Variants in SEMA6C observed in about 807,000 individuals in gnomAD.
SEMA6C encodes the protein semaphorin 6C, also known as semaphorin-6C.
SEMA6C carries 37 observed loss-of-function variants against 72.9 expected under a neutral mutation model. That is an observed-to-expected ratio of 0.51 (90% CI 0.39 to 0.67). SEMA6C has a LOEUF of 0.67. Ranked by LOEUF, SEMA6C falls within the 30% of genes least tolerant of loss-of-function variation. The probability of loss-of-function intolerance (pLI) is 0.00; values close to 1 mark genes in which losing one functional copy is unlikely to be tolerated. For missense variants in SEMA6C, 1,189 were observed against 1,263.6 expected, an observed-to-expected ratio of 0.94 and a Z score of 0.89; for synonymous variants, 578 against 554.1, an observed-to-expected ratio of 1.04 and a Z score of -0.61.
In SEMA6C at chr1:151,135,314, G is replaced by T. The variant is rs1168007040; in HGVS notation, c.1434-5C>A. ...GCTGTCCGCTTCCCACTGCACCTAGGGTGAGGCCAGAAGGAACCAGAGATG... is the reference window on the plus strand; with the variant it reads ...GCTGTCCGCTTCCCACTGCACCTAGTGTGAGGCCAGAAGGAACCAGAGATG... On this transcript the variant is annotated splice_region_variant and splice_polypyrimidine_tract_variant and intron_variant, in intron 14 of 18. Coordinates refer to ENST00000368914, the MANE Select transcript of SEMA6C (RefSeq NM_030913.6). 1 of 1,612,174 alleles carries T rather than the reference G, an allele frequency of 6.2e-7. No homozygotes were observed. The highest frequency in any genetic ancestry group is 8.5e-7 in the Non-Finnish European group (1 of 1,179,182).
At chr1:151,137,533 G>C (rs1682146464) in intron 10 of SEMA6C, among the ~76,000 whole-genome samples, 178 bp downstream of exon 10, 1 of 151,932 alleles carries the variant, frequency 6.6e-6, no homozygotes, top group Non-Finnish European at 1.5e-5. Context: ...CTTGGGTCAA[G>C]GGTGAGGGAC....
intron 3 of SEMA6C, among the ~76,000 whole-genome samples, chr1:151,141,727 A>C (rs1572043460): frequency 1.3e-5 from 1 of 77,860 alleles, no homozygotes; most frequent in African/African-American, 4.9e-5. Flanking sequence ...TTTTTTTTTA[A>C]TCGGCTTTTT....
rs746827171 is a variant in SEMA6C, at chr1:151,135,150, A to G, written c.1580+13T>C. On this transcript the variant is annotated intron_variant, in intron 15 of 18. Coordinates refer to ENST00000368914, the MANE Select transcript of SEMA6C (RefSeq NM_030913.6). ...GCTTGCCCACACAGGGCCTGGCCTC[A>G]GGCCCCTCTCACCTCTGACAGGCCC... is the stretch of plus-strand genomic sequence containing the variant. 6.2e-7 allele frequency: 1 copy of G among 1,612,570 alleles called. No homozygotes were observed. Among genetic ancestry groups the G allele is most frequent in the South Asian group, 1.1e-5 (1 of 90,948 alleles).
At chr1:151,135,067 C>T (rs1681905626) in intron 15 of SEMA6C, 96 bp downstream of exon 15, 1 of 1,537,114 alleles carries the variant, frequency 6.5e-7, no homozygotes, top group African/African-American at 1.4e-5. Context: ...ACAGCCATCC[C>T]CTGTGTTTTC....
chr1:151,139,314 C>G (rs1359493939), intron 6 of SEMA6C, 111 bp downstream of exon 6: 2 of 899,340 alleles, frequency 2.2e-6, no homozygotes, highest in Non-Finnish European at 3.7e-6. Flanking sequence ...CCCCTGTGGC[C>G]TGGGATGGAA....
intron 3 of SEMA6C, among the ~76,000 whole-genome samples, chr1:151,141,773 G>A (rs1682578471): frequency 6.7e-6 from 1 of 149,788 alleles, no homozygotes. Flanking sequence ...GGGTTGGGGG[G>A]TGGGATGACT....
At chr1:151,135,442 C>T (rs1193519308) in intron 14 of SEMA6C, 133 bp from the exon 15 acceptor site, 10 of 1,439,300 alleles carry the variant, frequency 6.9e-6, no homozygotes, top group Admixed American at 2.1e-5. Flanking sequence ...CCCTACCACA[C>T]TGTCCAGTCT....
intron 4 of SEMA6C, 40 bp downstream of exon 4, chr1:151,139,936 C>T (rs1339014298): frequency 6.3e-7 from 1 of 1,580,000 alleles, no homozygotes; most frequent in Non-Finnish European, 8.7e-7. Flanking sequence ...TGCCCAGGAG[C>T]ATGCATGTCT....
rs1682343395 is a variant in SEMA6C at position 151,139,437 on chromosome 1, C to T, written c.342G>A (p.Arg114=). 2 of 1,613,896 alleles carry T rather than the reference C, an allele frequency of 1.2e-6. No homozygotes were observed. The highest frequency in any genetic ancestry group is 1.7e-6 in the Non-Finnish European group (2 of 1,179,864). ...TCTCACTCCTTACCGTCAGCTTTCC[C>T]CGTACAGCACAGTTCTCCACATCTT... The part of the protein sequence containing the change: ...RSQDVENCAV[R]GKLTDECYNY... The change falls in exon 6 of 19, where the codon CGG becomes CGA. Residue 114 remains arginine (R), a synonymous_variant. Coordinates refer to ENST00000368914, the MANE Select transcript of SEMA6C (RefSeq NM_030913.6).
chr1:151,132,227 A>G lies in SEMA6C; in HGVS notation c.*257T>C. 1 of 1,502,984 alleles carries G rather than the reference A, an allele frequency of 6.7e-7. No homozygotes were observed. 93.1% of individuals were successfully genotyped at this position (1,502,984 alleles called of 1,614,324 possible). A position where few individuals can be genotyped will look rare whatever the true frequency, so the allele number is the denominator to read the frequency against. On this transcript the variant is annotated 3_prime_UTR_variant, in exon 19 of 19. Transcript: ENST00000368914. ...GCAGCTTGGCTGGAAGGGAGCGGGG[A>G]GTGGGAGTCCGCCAGCTCCCCCTGA... is the stretch of plus-strand genomic sequence containing the variant.
Position 151,133,348 on chromosome 1 carries a change from C to G in SEMA6C, c.1929G>C (p.Pro643=), listed in dbSNP as rs4971006. 1,271,160 of 1,596,776 alleles carry G rather than the reference C, an allele frequency of 0.8. 508,247 individuals are homozygous for G. The highest frequency in any genetic ancestry group is 0.91 in the East Asian group (40,518 of 44,376). Residue 643 remains proline, a synonymous_variant, in exon 19 of 19, where the codon CCG becomes CCC. Transcript: ENST00000368914. The surrounding 1 kb of genome is among the most constrained non-coding windows in gnomAD (Gnocchi z 5.9). ...GGAGGGAGAGAGGGCGCGGGAGCCC[C>G]GGAGTCTCGATGTCCTTGCCCCGAC... The part of the protein sequence containing the change: ...HRRRGKDIET[P]GLPRPLSLRS...
In SEMA6C at chr1:151,132,165, GCA is replaced by G. The variant is rs587602818; in HGVS notation, c.*317_*318del. The G allele has an allele frequency of 1.4e-3, 1,975 of 1,401,286 alleles. 7 individuals carry two copies. Among genetic ancestry groups the G allele is most frequent in the Middle Eastern group, 3.2e-3 (12 of 3,806 alleles). 86.8% of individuals were successfully genotyped at this position (1,401,286 alleles called of 1,614,324 possible). A position where few individuals can be genotyped will look rare whatever the true frequency, so the allele number is the denominator to read the frequency against. Reference sequence around the variant, plus strand: ...ACACAGCGCGCGCGGCCCGCCCGGGGCACAGTCTCTGGGGGAGCCCCGAGGGG... The same window carrying G: ...ACACAGCGCGCGCGGCCCGCCCGGGGCAGTCTCTGGGGGAGCCCCGAGGGG... On this transcript the variant is annotated 3_prime_UTR_variant, in exon 19 of 19. Coordinates refer to ENST00000368914, the MANE Select transcript of SEMA6C (RefSeq NM_030913.6).
At chr1:151,135,954 A>G in intron 13 of SEMA6C, 57 bp downstream of exon 13, 2 of 1,608,894 alleles carry the variant, frequency 1.2e-6, no homozygotes, top group Non-Finnish European at 1.7e-6. Context: ...TGGGTCAAAG[A>G]AAGAGGAGGG....
intron 15 of SEMA6C, 123 bp from the exon 16 acceptor site, chr1:151,134,998 G>A: frequency 7.5e-7 from 1 of 1,326,264 alleles, no homozygotes; most frequent in Non-Finnish European, 1.1e-6. Context: ...GTCCACCTCA[G>A]TCTCTCCACA....
chr1:151,139,958 G>A lies in SEMA6C; in HGVS notation c.233+18C>T, dbSNP rs146931559. 3.5e-4 allele frequency: 559 copies of A among 1,609,130 alleles called. 1 individual carries two copies. In the African/African-American group the frequency reaches 6.0e-3, roughly 17 times the overall value. On this transcript the variant is annotated intron_variant, in intron 4 of 18. Coordinates refer to ENST00000368914, the MANE Select transcript of SEMA6C (RefSeq NM_030913.6). ...GAGCATGCATGTCTGCCCCACAACT[G>A]TGCCACGGCCAGTTTACCGGGCAGC...
rs1001477370 is a variant in SEMA6C, at chr1:151,133,963, G to T, written c.1759+438C>A. 12 of 1,533,970 alleles carry T rather than the reference G, an allele frequency of 7.8e-6. No homozygotes were observed. Among genetic ancestry groups the T allele is most frequent in the Non-Finnish European group, 8.8e-6 (10 of 1,133,196 alleles). ...CTCTCCCAAGTAGCCCCCTTACCCC[G>T]AGTGTGAACTCCAAGAGTGGAAGAC... is the stretch of plus-strand genomic sequence containing the variant. On this transcript the variant is annotated intron_variant, in intron 18 of 18. Coordinates refer to ENST00000368914, the MANE Select transcript of SEMA6C (RefSeq NM_030913.6). The surrounding 1 kb of genome is among the most constrained non-coding windows in gnomAD (Gnocchi z 5.9).
Position 151,134,682 on chromosome 1 carries a change from GGAAAAC to G in SEMA6C, c.1659-13_1659-8del. 1 of 1,614,100 alleles carries G rather than the reference GGAAAAC, an allele frequency of 6.2e-7. No individual in the cohort carries two copies. Among genetic ancestry groups the G allele is most frequent in the Non-Finnish European group, 8.5e-7 (1 of 1,179,990 alleles). The stretch of plus-strand genomic sequence containing the variant: ...AGCCTGATCCACATCAGTCCTAGGA[GGAAAAC>G]GAAGTGGCTATAGAATTCTGTACGT... On this transcript the variant is annotated splice_polypyrimidine_tract_variant and splice_region_variant and intron_variant, in intron 16 of 18. Coordinates refer to ENST00000368914, the MANE Select transcript of SEMA6C (RefSeq NM_030913.6).
chr1:151,143,063 T>C (rs1485332025), intron 2 of SEMA6C, among the ~76,000 whole-genome samples: 2 of 152,194 alleles, frequency 1.3e-5, no homozygotes, highest in Non-Finnish European at 2.9e-5. Context: ...TAGTGACTCC[T>C]TGGCACTGGG....
chr1:151,137,445 C>CAAAA (rs5777762), intron 10 of SEMA6C, among the ~76,000 whole-genome samples: 59,186 of 104,470 alleles, frequency 0.57, 18,751 homozygotes, highest in East Asian at 0.86. Context: ...GACTCCGTCT[C>CAAAA]AAAAAAAAAA....
Sources: allele counts gnomAD v4.1 joint callset (sites outside exome capture counted in the v4.1 genomes callset), GRCh38; gene constraint gnomAD v4.1.1; non-coding constraint Gnocchi (gnomAD v3.1); transcripts MANE v1.5; gene names NCBI Gene and HGNC (gene_info 2026-07-23, HGNC 2026-07-21).